Variants in RASGEF1C observed in about 807,000 individuals in gnomAD.
The protein encoded by RASGEF1C is ras-GEF domain-containing family member 1C.
A neutral mutation model predicts 58.1 loss-of-function variants in RASGEF1C; 27 were observed. The ratio of observed to expected loss-of-function variants is 0.46; its 90% CI spans 0.34 to 0.64. The LOEUF is 0.64. Ranked by LOEUF, RASGEF1C falls within the 30% of genes least tolerant of loss-of-function variation. The pLI, the probability that RASGEF1C is intolerant of heterozygous loss-of-function variation, is 0.01. For missense variants in RASGEF1C, 502 were observed against 605.1 expected (o/e 0.83, Z 1.79); for synonymous variants, 243 against 246.3 (o/e 0.99, Z 0.13).
rs192178438 is a variant in RASGEF1C, at chr5:180,156,089, G to A, written c.-6-18031C>T. Among the ~76,000 whole-genome samples, 9 of 152,140 alleles carry A rather than the reference G, an allele frequency of 5.9e-5. No homozygotes were observed. Among genetic ancestry groups the A allele is most frequent in the Admixed American group, 2.6e-4 (4 of 15,278 alleles). On this transcript the variant is annotated intron_variant, in intron 1 of 13. Coordinates refer to ENST00000361132, the MANE Select transcript of RASGEF1C (RefSeq NM_175062.4). This position sits in a 1 kb window ranked among gnomAD's most constrained non-coding sequence, Gnocchi z 4.9. ...AATCCCTAATGCATCTTCCTCAACC[G>A]GTCCCACTCCTCATCCCCCTAACCT...
At chr5:180,179,985 C>T (rs987601278) in intron 1 of RASGEF1C, among the ~76,000 whole-genome samples, 2 of 152,260 alleles carry the variant, frequency 1.3e-5, no homozygotes, top group African/African-American at 2.4e-5. Context: ...AAGGAAGGAC[C>T]GGGCGAGTGG....
rs115257708 is a variant in RASGEF1C, at chr5:180,182,448, G to C, written c.-7+26580C>G. ...AGACCAAAAGAACTCAGCTTCCACA[G>C]CTGGAAGAGAACCCCAGCAGGTTGC... On this transcript the variant is annotated intron_variant, in intron 1 of 13. Transcript: ENST00000361132. Among the ~76,000 whole-genome samples the C allele has an allele frequency of 3.1e-3, 465 of 152,290 alleles. 1 individual carries two copies. The highest frequency in any genetic ancestry group is 0.01 in the African/African-American group (435 of 41,568).
intron 1 of RASGEF1C, among the ~76,000 whole-genome samples, chr5:180,140,927 G>C (rs1240604398): frequency 6.6e-6 from 1 of 152,230 alleles, no homozygotes; most frequent in Non-Finnish European, 1.5e-5. Flanking sequence ...GTGGCTCCTG[G>C]AAGTGTAGTG....
chr5:180,117,975 C>T (rs1253998311), intron 10 of RASGEF1C, among the ~76,000 whole-genome samples: 3 of 127,150 alleles, frequency 2.4e-5, no homozygotes, highest in African/African-American at 3.3e-5. Context: ...GCCTGGGCGA[C>T]AGAGAGAGAC....
Position 180,180,039 on chromosome 5 carries a change from G to A in RASGEF1C, c.-7+28989C>T, listed in dbSNP as rs1013411002. The stretch of plus-strand genomic sequence containing the variant: ...GCAGTGATGGAGCTGCCAGCTAGGC[G>A]GGGGCAGGCCAGGGCCACCCCAAGC... On this transcript the variant is annotated intron_variant, in intron 1 of 13. Coordinates refer to ENST00000361132, the MANE Select transcript of RASGEF1C (RefSeq NM_175062.4). Among the ~76,000 whole-genome samples, 6 of 152,222 alleles carry A rather than the reference G, an allele frequency of 3.9e-5. No individual in the cohort carries two copies. In the East Asian group the frequency reaches 7.7e-4, roughly 20 times the overall value.
At chr5:180,113,248 C>T (rs190482564) in intron 11 of RASGEF1C, among the ~76,000 whole-genome samples, 1 of 44,128 alleles carries the variant, frequency 2.3e-5, no homozygotes, top group Non-Finnish European at 4.7e-5. Context: ...ACGGAGGGAC[C>T]GAGGATGGAC....
At chr5:180,166,715 C>T (rs1360009696) in intron 1 of RASGEF1C, among the ~76,000 whole-genome samples, 1 of 152,036 alleles carries the variant, frequency 6.6e-6, no homozygotes, top group African/African-American at 2.4e-5. Context: ...GGGGTTTCAC[C>T]ATGTTGGCCA....
chr5:180,122,462 C>G (rs1189340480), intron 6 of RASGEF1C, among the ~76,000 whole-genome samples: 1 of 151,780 alleles, frequency 6.6e-6, no homozygotes, highest in Non-Finnish European at 1.5e-5. Flanking sequence ...CAGGGTAGGC[C>G]AAGCGCAGTG....
intron 1 of RASGEF1C, among the ~76,000 whole-genome samples, chr5:180,167,142 T>G (rs1767035899): frequency 6.6e-6 from 1 of 152,170 alleles, no homozygotes; most frequent in Non-Finnish European, 1.5e-5. Flanking sequence ...AGCTATTATG[T>G]TTTCAAATGC....
chr5:180,202,095 G>GA (rs1295344596), intron 1 of RASGEF1C, among the ~76,000 whole-genome samples: 3 of 151,784 alleles, frequency 2.0e-5, no homozygotes, highest in South Asian at 2.1e-4. Context: ...CTGAACTCAT[G>GA]AAAAAAAATG....
intron 12 of RASGEF1C, among the ~76,000 whole-genome samples, chr5:180,103,672 G>A (rs1031131129): frequency 3.3e-4 from 50 of 152,246 alleles, no homozygotes; most frequent in African/African-American, 1.2e-3. Context: ...GTTACTTCCT[G>A]TTCTTGCCTT....
In RASGEF1C at chr5:180,197,277, G is replaced by T. The variant is rs1756295992; in HGVS notation, c.-7+11751C>A. On this transcript the variant is annotated intron_variant, in intron 1 of 13. Transcript: ENST00000361132. The surrounding 1 kb of genome is among the most constrained non-coding windows in gnomAD (Gnocchi z 4.7). ...ACTCAACAATGGCTGGGACAGAGGG[G>T]AGCCCGAACCCTGGGACGGCAGGGG... is the stretch of plus-strand genomic sequence containing the variant. Among the ~76,000 whole-genome samples, 1 of 152,220 alleles carries T rather than the reference G, an allele frequency of 6.6e-6. No homozygotes were observed. Among genetic ancestry groups the T allele is most frequent in the African/African-American group, 2.4e-5 (1 of 41,460 alleles).
intron 1 of RASGEF1C, among the ~76,000 whole-genome samples, chr5:180,205,441 CAG>C (rs999899077): frequency 3.9e-5 from 6 of 152,082 alleles, no homozygotes; most frequent in African/African-American, 1.4e-4. Flanking sequence ...TCTTGACAAA[CAG>C]AAAGACATCT....
At position 180,137,815 on chromosome 5, in the gene RASGEF1C, G is replaced by A. The variant is rs1161770039; in HGVS notation, c.177+61C>T. The A allele has an allele frequency of 2.5e-6, 4 of 1,602,320 alleles. No homozygotes were observed. Among genetic ancestry groups the A allele is most frequent in the Non-Finnish European group, 3.4e-6 (4 of 1,174,964 alleles). On this transcript the variant is annotated intron_variant, in intron 2 of 13. Coordinates refer to ENST00000361132, the MANE Select transcript of RASGEF1C (RefSeq NM_175062.4). The surrounding 1 kb of genome is among the most constrained non-coding windows in gnomAD (Gnocchi z 4.1). ...CTGGCCCAAGGTCACGCCCAACCCT[G>A]ATGCCCCCCGTGCGTGGTGGAGGAG... is the stretch of plus-strand genomic sequence containing the variant.
chr5:180,131,376 C>G (rs1766366291), intron 4 of RASGEF1C, among the ~76,000 whole-genome samples: 1 of 152,042 alleles, frequency 6.6e-6, no homozygotes, highest in Non-Finnish European at 1.5e-5. Context: ...CATGTCCCCA[C>G]TCCCCATGTC....
Position 180,206,463 on chromosome 5 carries a change from G to T in RASGEF1C, c.-7+2565C>A, listed in dbSNP as rs564810172. 3.2e-4 allele frequency among the ~76,000 whole-genome samples: 48 copies of T among 152,248 alleles called. No homozygotes were observed. The South Asian group carries it at 3.9e-3, about 13-fold the overall frequency. ...CAGCTCTCAAACCAGCGAGGCTGTG[G>T]GGAAACAGAAGACACTGTGATACAT... On this transcript the variant is annotated intron_variant, in intron 1 of 13. Coordinates refer to ENST00000361132, the MANE Select transcript of RASGEF1C (RefSeq NM_175062.4).
chr5:180,101,364 G>A lies in RASGEF1C; in HGVS notation c.*137C>T, dbSNP rs1254522339. ...GTATGGCCACTGTGGGGGGGGGGGG[G>A]GCGGGCAGCAGGCCACAGGGTCGGC... On this transcript the variant is annotated 3_prime_UTR_variant, in exon 14 of 14. Coordinates refer to ENST00000361132, the MANE Select transcript of RASGEF1C (RefSeq NM_175062.4). 9 of 886,278 alleles carry A rather than the reference G, an allele frequency of 1.0e-5. No homozygotes were observed. The highest frequency in any genetic ancestry group is 9.4e-5 in the South Asian group (6 of 63,912). 54.9% of individuals were successfully genotyped at this position (886,278 alleles called of 1,614,324 possible).
At chr5:180,150,624 G>T (rs1766730407) in intron 1 of RASGEF1C, among the ~76,000 whole-genome samples, 1 of 152,090 alleles carries the variant, frequency 6.6e-6, no homozygotes, top group African/African-American at 2.4e-5. Context: ...GAGGTCAGGA[G>T]TTCGAGACCA....
rs1253525380 is a variant in RASGEF1C, at chr5:180,168,769, G to A, written c.-6-30711C>T. On this transcript the variant is annotated intron_variant, in intron 1 of 13. Coordinates refer to ENST00000361132, the MANE Select transcript of RASGEF1C (RefSeq NM_175062.4). The surrounding 1 kb of genome is among the most constrained non-coding windows in gnomAD (Gnocchi z 6.0). ...CCCATGGGATTACTTGTGGGCTGGG[G>A]TATGAGAGAGCAAAGATTTTTAAAA... is the stretch of plus-strand genomic sequence containing the variant. 6.6e-6 allele frequency among the ~76,000 whole-genome samples: 1 copy of A among 152,198 alleles called. No individual in the cohort carries two copies. The highest frequency in any genetic ancestry group is 1.5e-5 in the Non-Finnish European group (1 of 68,042).
Sources: allele counts gnomAD v4.1 joint callset (sites outside exome capture counted in the v4.1 genomes callset), GRCh38; gene constraint gnomAD v4.1.1; non-coding constraint Gnocchi (gnomAD v3.1); transcripts MANE v1.5; gene names NCBI Gene and HGNC (gene_info 2026-07-23, HGNC 2026-07-21).